The following SLC35F3 variants were observed in gnomAD, a reference collection of about 807,000 sequenced individuals.
SLC35F3 encodes solute carrier family 35 member F3, also known as putative thiamine transporter SLC35F3.
A neutral mutation model predicts 49.9 loss-of-function variants in SLC35F3; 25 were observed. The observed-to-expected ratio is 0.50, with a 90% CI of 0.37 to 0.70. The LOEUF is 0.70. Ranked by LOEUF, SLC35F3 falls within the 30% of genes least tolerant of loss-of-function variation. The pLI is 0.00. For synonymous variants in SLC35F3, 275 were observed against 265.4 expected (o/e 1.04, Z -0.35); for missense variants, 525 against 639.8 (o/e 0.82, Z 1.94).
chr1:234,274,499 G>C (rs1668165290), intron 3 of SLC35F3: 1 of 152,236 alleles, frequency 6.6e-6, no homozygotes, highest in South Asian at 2.1e-4. Context: ...AAATTTCACA[G>C]AAAACAGCAC....
chr1:234,188,221 G>A (rs1224532303), intron 2 of SLC35F3, among the ~76,000 whole-genome samples: 2 of 149,268 alleles, frequency 1.3e-5, no homozygotes, highest in East Asian at 3.9e-4. Flanking sequence ...TGGGCAACAA[G>A]AGCGAAACTC....
At chr1:234,016,553 C>T (rs906137595) in intron 2 of SLC35F3, among the ~76,000 whole-genome samples, 2 of 152,166 alleles carry the variant, frequency 1.3e-5, no homozygotes, top group Non-Finnish European at 2.9e-5. Flanking sequence ...CATGGAAAGA[C>T]AAATACAATG....
intron 2 of SLC35F3, among the ~76,000 whole-genome samples, chr1:234,002,153 T>A (rs9435492): frequency 0.63 from 95,689 of 152,012 alleles, 30,382 homozygotes; most frequent in Non-Finnish European, 0.67. Flanking sequence ...GATTTACAGA[T>A]CAATTGTGAA....
chr1:234,112,549 T>C (rs917924852), intron 2 of SLC35F3, among the ~76,000 whole-genome samples: 2 of 143,872 alleles, frequency 1.4e-5, no homozygotes, highest in African/African-American at 5.0e-5. Context: ...AGTTTATAAT[T>C]CACACTCTTT....
At chr1:234,314,948 AC>A (rs1290255929) in intron 4 of SLC35F3, among the ~76,000 whole-genome samples, 2 of 151,926 alleles carry the variant, frequency 1.3e-5, no homozygotes, top group Non-Finnish European at 2.9e-5. Context: ...GCAGAAACCA[AC>A]CCTTTCCCCA....
rs150708770 is a variant in SLC35F3, at chr1:234,014,718, T to C, written c.283+108960T>C. ...TCTGAAAAAGAAATTAAGAAAAAAT[T>C]CCATTTACGCTAACTAAAACAAAAT... is the stretch of plus-strand genomic sequence containing the variant. On this transcript the variant is annotated intron_variant, in intron 2 of 7. Coordinates refer to ENST00000366618, the MANE Select transcript of SLC35F3 (RefSeq NM_173508.4). Among the ~76,000 whole-genome samples, 423 of 152,126 alleles carry C rather than the reference T, an allele frequency of 2.8e-3. 1 individual carries two copies. The highest frequency in any genetic ancestry group is 8.6e-3 in the African/African-American group (359 of 41,510).
At chr1:234,128,194 C>A (rs182697484) in intron 2 of SLC35F3, among the ~76,000 whole-genome samples, 1 of 152,102 alleles carries the variant, frequency 6.6e-6, no homozygotes, top group Non-Finnish European at 1.5e-5. Context: ...AGGAAGGAAG[C>A]GAGAAGGTCC....
chr1:233,934,478 A>G (rs1165395527), intron 2 of SLC35F3, among the ~76,000 whole-genome samples: 2 of 152,224 alleles, frequency 1.3e-5, no homozygotes, highest in African/African-American at 4.8e-5. Flanking sequence ...ATTGAGTTAC[A>G]TGTGCATTTA....
rs558936206 is a variant in SLC35F3, at chr1:234,324,041, T to C, written c.*798T>C. The C allele has an allele frequency of 6.6e-6, 1 of 152,422 alleles. No homozygotes were observed. Among genetic ancestry groups the C allele is most frequent in the South Asian group, 2.1e-4 (1 of 4,834 alleles). 9.4% of individuals were successfully genotyped at this position (152,422 alleles called of 1,614,324 possible). A position where few individuals can be genotyped will look rare whatever the true frequency, so the allele number is the denominator to read the frequency against. ...ATAAAACTCTCTATATATGTGTATG[T>C]CTGTGTACAAAAAAATGACAGAGCT... On this transcript the variant is annotated 3_prime_UTR_variant, in exon 8 of 8. Coordinates refer to ENST00000366618, the MANE Select transcript of SLC35F3 (RefSeq NM_173508.4).
At chr1:234,201,904 C>T (rs368063546) in intron 2 of SLC35F3, among the ~76,000 whole-genome samples, 12 of 110,062 alleles carry the variant, frequency 1.1e-4, no homozygotes, top group Middle Eastern at 5.3e-3. Context: ...CAGAGCTAGA[C>T]TTCTTCTCAA....
intron 2 of SLC35F3, among the ~76,000 whole-genome samples, chr1:234,130,451 T>C (rs1014533913): frequency 9.3e-5 from 13 of 139,420 alleles, no homozygotes; most frequent in African/African-American, 2.9e-4. Flanking sequence ...CCATCCTGGC[T>C]AACACGGTGA....
chr1:234,191,579 A>G (rs1471235488), intron 2 of SLC35F3, among the ~76,000 whole-genome samples: 1 of 152,178 alleles, frequency 6.6e-6, no homozygotes, highest in Non-Finnish European at 1.5e-5. Flanking sequence ...CCAGCAGAAG[A>G]AGAGAAATAA....
chr1:233,992,460 G>A (rs148753864), intron 2 of SLC35F3, among the ~76,000 whole-genome samples: 28 of 152,282 alleles, frequency 1.8e-4, no homozygotes, highest in Non-Finnish European at 4.0e-4. Flanking sequence ...ACATGTCAAG[G>A]GTGGAAATAT....
rs1025768816 is a variant in SLC35F3 at position 234,063,251 on chromosome 1, C to G, written c.283+157493C>G. ...TATTTCTGCAACCAGTTACAGAAGG[C>G]CTGGAAATTATCACCAGACCAACTC... On this transcript the variant is annotated intron_variant, in intron 2 of 7. Coordinates refer to ENST00000366618, the MANE Select transcript of SLC35F3 (RefSeq NM_173508.4). 3.0e-4 allele frequency among the ~76,000 whole-genome samples: 46 copies of G among 152,166 alleles called. 2 individuals are homozygous for G. The highest frequency in any genetic ancestry group is 1.1e-3 in the African/African-American group (44 of 41,506).
chr1:234,140,870 A>G (rs942581723), intron 2 of SLC35F3, among the ~76,000 whole-genome samples: 1 of 152,214 alleles, frequency 6.6e-6, no homozygotes, highest in Non-Finnish European at 1.5e-5. Context: ...TTTAAGCCTC[A>G]AGTTGCCAAG....
rs147406102 is a variant in SLC35F3, at chr1:234,182,620, C to A, written c.284-48797C>A. Among the ~76,000 whole-genome samples, 649 of 152,284 alleles carry A rather than the reference C, an allele frequency of 4.3e-3. 3 individuals carry two copies. The highest frequency in any genetic ancestry group is 7.9e-3 in the Non-Finnish European group (536 of 68,016). On this transcript the variant is annotated intron_variant, in intron 2 of 7. Coordinates refer to ENST00000366618, the MANE Select transcript of SLC35F3 (RefSeq NM_173508.4). ...AATTGGAGCAAAAGGTAAATTTATA[C>A]ATCATTTTTCTGGACAATGCCAAAT...
At chr1:234,282,604 C>A (rs570904610) in intron 3 of SLC35F3, among the ~76,000 whole-genome samples, 4 of 152,326 alleles carry the variant, frequency 2.6e-5, no homozygotes, top group African/African-American at 7.2e-5. Flanking sequence ...TGAAAGATGG[C>A]AGAGCACCGC....
intron 2 of SLC35F3, among the ~76,000 whole-genome samples, chr1:234,071,796 G>A (rs866457818): frequency 2.6e-5 from 4 of 152,150 alleles, no homozygotes; most frequent in Admixed American, 6.5e-5. Context: ...GGCATGCCTC[G>A]TTAAGATGTA....
At chr1:234,018,320 A>G (rs79331259) in intron 2 of SLC35F3, among the ~76,000 whole-genome samples, 4,649 of 152,298 alleles carry the variant, frequency 0.031, 211 homozygotes, top group African/African-American at 0.1. Context: ...AAGAAAGGCA[A>G]TGATGGGCAA....
Sources: gnomAD v4.1 joint callset for allele counts (sites outside exome capture counted in the v4.1 genomes callset) on GRCh38, gnomAD v4.1.1 for gene constraint, MANE v1.5 for transcripts, NCBI Gene and HGNC (gene_info 2026-07-23, HGNC 2026-07-21) for gene names.